KCNQ3: variants seen among roughly 807,000 people sequenced by gnomAD.
KCNQ3 encodes potassium voltage-gated channel subfamily KQT member 3.
In KCNQ3, 30 loss-of-function variants were observed where a neutral mutation model predicts 92.5. The ratio of observed to expected loss-of-function variants is 0.32; its 90% CI spans 0.24 to 0.44. The LOEUF (loss-of-function observed/expected upper bound fraction) is 0.44. KCNQ3 is among the 20% of genes least tolerant of loss of function. The probability of loss-of-function intolerance (pLI) is 1.00; values close to 1 mark genes in which losing one functional copy is unlikely to be tolerated. For missense variants in KCNQ3, 913 were observed against 1,140.3 expected, an observed-to-expected ratio of 0.80 and a Z score of 2.87; for synonymous variants, 450 against 468.8, an observed-to-expected ratio of 0.96 and a Z score of 0.52.
chr8:132,205,376 T>C (rs190355560), intron 1 of KCNQ3, among the ~76,000 whole-genome samples: 3 of 152,366 alleles, frequency 2.0e-5, no homozygotes. Flanking sequence ...CTATGGATGG[T>C]ATTTGTTGAG....
intron 12 of KCNQ3, among the ~76,000 whole-genome samples, chr8:132,136,146 A>AAAAAAAAG (rs1563765951): frequency 4.4e-5 from 6 of 137,012 alleles, no homozygotes; most frequent in Non-Finnish European, 6.6e-5. Context: ...AAAAAAAAAA[A>AAAAAAAAG]GAAAAGAGAA....
chr8:132,450,164 C>T (rs1821788460), intron 1 of KCNQ3, among the ~76,000 whole-genome samples: 1 of 152,110 alleles, frequency 6.6e-6, no homozygotes, highest in African/African-American at 2.4e-5. Flanking sequence ...GGGGTGGCCA[C>T]TGCTGGCTGG....
At chr8:132,180,474 A>C (rs2130158318) in intron 3 of KCNQ3, 145 bp from the exon 4 acceptor site, 2 of 799,706 alleles carry the variant, frequency 2.5e-6, no homozygotes, top group East Asian at 2.6e-5. Flanking sequence ...GAATCTTGCC[A>C]CCAACAACAC....
chr8:132,260,349 T>C (rs188862699), intron 1 of KCNQ3, among the ~76,000 whole-genome samples: 48 of 152,296 alleles, frequency 3.2e-4, no homozygotes, highest in African/African-American at 1.0e-3. Flanking sequence ...AATTATTTAC[T>C]AAACAAGGTT....
chr8:132,236,618 G>A (rs1814824606), intron 1 of KCNQ3, among the ~76,000 whole-genome samples: 1 of 152,034 alleles, frequency 6.6e-6, no homozygotes, highest in Non-Finnish European at 1.5e-5. Context: ...TTCTAAGGTG[G>A]ACCCCAAGAT....
rs1824572599 is a variant in KCNQ3 at position 132,123,781 on chromosome 8, A to C, written c.*5481T>G. ...AATCTCTTCTTGCTCTGTGTATCTT[A>C]GAATCCATGAAATTATGTCTCTTTG... is the stretch of plus-strand genomic sequence containing the variant. On this transcript the variant is annotated 3_prime_UTR_variant, in exon 15 of 15. Transcript: ENST00000388996. 6.6e-6 allele frequency: 1 copy of C among 152,180 alleles called. No homozygotes were observed. The highest frequency in any genetic ancestry group is 1.5e-5 in the Non-Finnish European group (1 of 68,018). 9.4% of individuals were successfully genotyped at this position (152,180 alleles called of 1,614,324 possible).
intron 1 of KCNQ3, among the ~76,000 whole-genome samples, chr8:132,240,529 G>A (rs1048136479): frequency 2.0e-5 from 3 of 152,130 alleles, no homozygotes; most frequent in Non-Finnish European, 4.4e-5. Context: ...CCTCTGCCAT[G>A]CTCACCTCCC....
At position 132,140,247 on chromosome 8, in the gene KCNQ3, G is replaced by C. The variant is rs781752535; in HGVS notation, c.1466-69C>G. 1.1e-5 allele frequency: 12 copies of C among 1,093,508 alleles called. No individual in the cohort carries two copies. In the Admixed American group the frequency reaches 1.3e-4, roughly 12 times the overall value. The allele number at this position is 1,093,508 out of a possible 1,614,324, so 67.7% of individuals were successfully genotyped here. On this transcript the variant is annotated intron_variant, in intron 10 of 14. Coordinates refer to ENST00000388996, the MANE Select transcript of KCNQ3 (RefSeq NM_004519.4). ...AAAAGGCTTGGGGACCCCACTGTTC[G>C]GTCAAAGCCTTCCACGCCTCTGGAT... is the stretch of plus-strand genomic sequence containing the variant.
chr8:132,399,034 G>A (rs563951615), intron 1 of KCNQ3, among the ~76,000 whole-genome samples: 1 of 152,270 alleles, frequency 6.6e-6, no homozygotes, highest in African/African-American at 2.4e-5. Flanking sequence ...TTTGAGACAG[G>A]CATCGTAAAA....
chr8:132,156,676 C>T (rs1825804045), intron 9 of KCNQ3, among the ~76,000 whole-genome samples: 1 of 152,200 alleles, frequency 6.6e-6, no homozygotes, highest in African/African-American at 2.4e-5. Context: ...ATGCAACCTA[C>T]CACACTTGTT....
In KCNQ3 at chr8:132,120,975, T is replaced by C. The variant is rs1824449410; in HGVS notation, c.*8287A>G. 6.6e-6 allele frequency: 1 copy of C among 152,174 alleles called. No individual in the cohort carries two copies. Among genetic ancestry groups the C allele is most frequent in the South Asian group, 2.1e-4 (1 of 4,828 alleles). 9.4% of individuals were successfully genotyped at this position (152,174 alleles called of 1,614,324 possible). ...TATGGAAATCAACCTATTAAAGTTG[T>C]TCAAATATTGGACAGAGCCAGAATA... is the stretch of plus-strand genomic sequence containing the variant. On this transcript the variant is annotated 3_prime_UTR_variant, in exon 15 of 15. Transcript: ENST00000388996.
intron 1 of KCNQ3, among the ~76,000 whole-genome samples, chr8:132,462,000 C>T (rs1266882768): frequency 2.6e-5 from 4 of 152,040 alleles, no homozygotes; most frequent in African/African-American, 9.7e-5. Context: ...ATGTCTTTTA[C>T]CCATTAAACT....
At chr8:132,388,310 C>G (rs1317197035) in intron 1 of KCNQ3, among the ~76,000 whole-genome samples, 3 of 152,056 alleles carry the variant, frequency 2.0e-5, no homozygotes, top group Admixed American at 6.5e-5. Context: ...TATAAATATT[C>G]ACACCTTGAC....
At chr8:132,444,466 A>G (rs1821622923) in intron 1 of KCNQ3, among the ~76,000 whole-genome samples, 2 of 152,348 alleles carry the variant, frequency 1.3e-5, no homozygotes, top group East Asian at 1.9e-4. Context: ...AAAAGACAGC[A>G]TGGTGTGGAG....
At chr8:132,133,434 C>T (rs1001475551) in intron 13 of KCNQ3, among the ~76,000 whole-genome samples, 7 of 145,160 alleles carry the variant, frequency 4.8e-5, no homozygotes, top group Admixed American at 1.4e-4. Flanking sequence ...CGGCTCACTG[C>T]AACCTCTGAC....
In KCNQ3 at chr8:132,124,909, G is replaced by C. The variant is rs1824614297; in HGVS notation, c.*4353C>G. 6.6e-6 allele frequency: 1 copy of C among 152,262 alleles called. No individual in the cohort carries two copies. The highest frequency in any genetic ancestry group is 1.5e-5 in the Non-Finnish European group (1 of 68,056). The allele number at this position is 152,262 out of a possible 1,614,324, so 9.4% of individuals were successfully genotyped here. A position where few individuals can be genotyped will look rare whatever the true frequency, so the allele number is the denominator to read the frequency against. On this transcript the variant is annotated 3_prime_UTR_variant, in exon 15 of 15. Transcript: ENST00000388996. ...GTTTGGCAGCACTGTCCAAAGTACA[G>C]TTGACTTCTTAGGCTGCTGAACAAA...
chr8:132,358,088 T>C (rs1819065619), intron 1 of KCNQ3, among the ~76,000 whole-genome samples: 1 of 152,202 alleles, frequency 6.6e-6, no homozygotes, highest in Non-Finnish European at 1.5e-5. Flanking sequence ...AAAAAGGAGC[T>C]TCTTTAAGGT....
intron 9 of KCNQ3, among the ~76,000 whole-genome samples, chr8:132,153,218 C>T (rs965571276): frequency 3.9e-5 from 6 of 152,098 alleles, no homozygotes; most frequent in Admixed American, 2.0e-4. Context: ...TTGCAAATCC[C>T]GCCAGATGAC....
chr8:132,421,555 A>C (rs1004931961), intron 1 of KCNQ3, among the ~76,000 whole-genome samples: 1 of 152,184 alleles, frequency 6.6e-6, no homozygotes, highest in Non-Finnish European at 1.5e-5. Context: ...CGGGGGAACA[A>C]AATGGGGGAT....
Sources: allele counts gnomAD v4.1 joint callset (sites outside exome capture counted in the v4.1 genomes callset), GRCh38; gene constraint gnomAD v4.1.1; transcripts MANE v1.5; gene names NCBI Gene and HGNC (gene_info 2026-07-23, HGNC 2026-07-21).